CWH43: variants seen among roughly 807,000 people sequenced by gnomAD.
CWH43 encodes the protein cell wall biogenesis 43 C-terminal homolog.
CWH43 carries 91 observed loss-of-function variants against 85.7 expected under a neutral mutation model. The observed-to-expected ratio is 1.06, with a 90% confidence interval of 0.90 to 1.26. The LOEUF (loss-of-function observed/expected upper bound fraction) is 1.26. CWH43 is among the 50% of genes most tolerant of loss of function. CWH43 has a pLI of 0.00. For missense variants in CWH43, 869 were observed against 839.2 expected (o/e 1.04, Z -0.44); for synonymous variants, 323 against 293.6 (o/e 1.10, Z -1.02).
intron 12 of CWH43, among the ~76,000 whole-genome samples, chr4:49,036,334 A>G (rs6819028): frequency 0.021 from 3,268 of 152,288 alleles, 59 homozygotes; most frequent in African/African-American, 0.056. Context: ...GGGAAATGAA[A>G]AATAACCATA....
chr4:49,027,840 C>A (rs1456499739), intron 9 of CWH43, among the ~76,000 whole-genome samples: 1 of 152,090 alleles, frequency 6.6e-6, no homozygotes, highest in Non-Finnish European at 1.5e-5. Flanking sequence ...TTCCCCACTA[C>A]CCTAGTAGGT....
At chr4:49,045,105 A>G (rs1293770034) in intron 14 of CWH43, among the ~76,000 whole-genome samples, 1 of 152,174 alleles carries the variant, frequency 6.6e-6, no homozygotes, top group Non-Finnish European at 1.5e-5. Context: ...GCTATTAGGC[A>G]TGGTGAATAT....
chr4:49,014,690 A>C (rs1480633795), intron 8 of CWH43, among the ~76,000 whole-genome samples: 1 of 152,052 alleles, frequency 6.6e-6, no homozygotes, highest in Non-Finnish European at 1.5e-5. Flanking sequence ...ACAGTTATTT[A>C]GTCATTTTTG....
chr4:48,991,083 G>T (rs549266944), intron 2 of CWH43, among the ~76,000 whole-genome samples: 10 of 152,072 alleles, frequency 6.6e-5, no homozygotes, highest in Non-Finnish European at 1.3e-4. Context: ...GGAAAAATTC[G>T]CAGAGACAGA....
chr4:49,014,438 G>GGC lies in CWH43; in HGVS notation c.1187-2811_1187-2810insGC, dbSNP rs1180210067. ...GGTGCCACTGCACTTCAGCATGGAT[G>GGC]ACAGAATGAGACTCTGACTCAAAAA... On this transcript the variant is annotated intron_variant, in intron 8 of 15. Coordinates refer to ENST00000226432, the MANE Select transcript of CWH43 (RefSeq NM_025087.3). 6.8e-4 allele frequency among the ~76,000 whole-genome samples: 95 copies of GGC among 140,160 alleles called. 1 individual carries two copies. In the South Asian group the frequency reaches 0.021, roughly 30 times the overall value. 92.0% of individuals were successfully genotyped at this position (140,160 alleles called of 152,430 possible).
chr4:49,015,888 T>C (rs1577675085), intron 8 of CWH43, among the ~76,000 whole-genome samples: 2 of 152,200 alleles, frequency 1.3e-5, no homozygotes, highest in Non-Finnish European at 2.9e-5. Context: ...TATTTTAGTC[T>C]CATGTTCCCT....
intron 1 of CWH43, chr4:48,986,879 G>A: frequency 1.1e-6 from 1 of 913,192 alleles, no homozygotes; most frequent in East Asian, 1.1e-4. Context: ...AGGGGCACCC[G>A]TTTTCCCCAG....
At chr4:49,011,006 G>C (rs974846159) in intron 8 of CWH43, among the ~76,000 whole-genome samples, 5 of 152,178 alleles carry the variant, frequency 3.3e-5, no homozygotes, top group African/African-American at 4.8e-5. Flanking sequence ...TTGGTGCAGA[G>C]CTGAGTTCAA....
At chr4:49,015,541 T>A (rs1783519123) in intron 8 of CWH43, among the ~76,000 whole-genome samples, 1 of 152,174 alleles carries the variant, frequency 6.6e-6, no homozygotes, top group African/African-American at 2.4e-5. Context: ...TCCTCCATCT[T>A]GCTTGATAGT....
intron 14 of CWH43, among the ~76,000 whole-genome samples, chr4:49,049,483 C>G (rs1196300775): frequency 6.6e-6 from 1 of 151,878 alleles, no homozygotes; most frequent in East Asian, 1.9e-4. Context: ...TCACAGACCT[C>G]TGCTTCAAAC....
chr4:48,999,542 G>A (rs893513601), intron 6 of CWH43, among the ~76,000 whole-genome samples: 1 of 152,170 alleles, frequency 6.6e-6, no homozygotes, highest in Non-Finnish European at 1.5e-5. Context: ...GCAGTGTATA[G>A]GTGCATAGAT....
chr4:49,038,924 G>A (rs1784348419), intron 13 of CWH43, among the ~76,000 whole-genome samples: 1 of 151,616 alleles, frequency 6.6e-6, no homozygotes, highest in Non-Finnish European at 1.5e-5. Context: ...CGGGCATGGT[G>A]GCAGGTGCCT....
chr4:49,046,863 C>A (rs1784641229), intron 14 of CWH43, among the ~76,000 whole-genome samples: 1 of 152,140 alleles, frequency 6.6e-6, no homozygotes, highest in African/African-American at 2.4e-5. Context: ...AGGGAACATG[C>A]TGGAGACCTT....
Position 49,017,344 on chromosome 4 carries a change from C to T in CWH43, c.1266+16C>T, listed in dbSNP as rs1214722667. 4.5e-6 allele frequency: 7 copies of T among 1,547,824 alleles called. No individual in the cohort carries two copies. The highest frequency in any genetic ancestry group is 6.2e-6 in the Non-Finnish European group (7 of 1,125,762). ...GGGCAAAGTGGTAAGTAATTAAAAACCTTGAAATAGAATTTTATATGGTAT... is the reference window on the plus strand; with the variant it reads ...GGGCAAAGTGGTAAGTAATTAAAAATCTTGAAATAGAATTTTATATGGTAT... On this transcript the variant is annotated intron_variant, in intron 9 of 15. Transcript: ENST00000226432.
chr4:49,050,317 G>A (rs1784753401), intron 14 of CWH43, among the ~76,000 whole-genome samples: 1 of 152,072 alleles, frequency 6.6e-6, no homozygotes, highest in African/African-American at 2.4e-5. Flanking sequence ...ATATGCATGT[G>A]GCATTTGGAT....
chr4:49,050,237 G>A (rs1321455415), intron 14 of CWH43, among the ~76,000 whole-genome samples: 1 of 152,190 alleles, frequency 6.6e-6, no homozygotes, highest in Admixed American at 6.5e-5. Context: ...AAAGCTCTAA[G>A]CCAAAACGGG....
chr4:49,057,091 T>C (rs1191468507), intron 15 of CWH43, among the ~76,000 whole-genome samples: 1 of 152,238 alleles, frequency 6.6e-6, no homozygotes, highest in Non-Finnish European at 1.5e-5. Flanking sequence ...GAATGTTCCA[T>C]GAACATGTGA....
In CWH43 at chr4:48,999,737, A is replaced by G. The variant is rs187692790; in HGVS notation, c.802+1189A>G. On this transcript the variant is annotated intron_variant, in intron 6 of 15. Coordinates refer to ENST00000226432, the MANE Select transcript of CWH43 (RefSeq NM_025087.3). Reference sequence around the variant, plus strand: ...TGCTTTTCCGTGTTTCAAAAATGCCATTTAGAGTTCCATGATGAAGCTCCA... The same window carrying G: ...TGCTTTTCCGTGTTTCAAAAATGCCGTTTAGAGTTCCATGATGAAGCTCCA... 8.5e-5 allele frequency among the ~76,000 whole-genome samples: 13 copies of G among 152,284 alleles called. No homozygotes were observed. In the East Asian group the frequency reaches 2.3e-3, roughly 27 times the overall value.
At chr4:48,998,838 G>A (rs1002130671) in intron 6 of CWH43, among the ~76,000 whole-genome samples, 8 of 151,912 alleles carry the variant, frequency 5.3e-5, no homozygotes, top group African/African-American at 9.7e-5. Context: ...CATAAACAAG[G>A]CACATGTGTT....
Sources: allele counts gnomAD v4.1 joint callset (sites outside exome capture counted in the v4.1 genomes callset), GRCh38; gene constraint gnomAD v4.1.1; transcripts MANE v1.5; gene names NCBI Gene and HGNC (gene_info 2026-07-23, HGNC 2026-07-21).